The following SOX5 variants were observed in gnomAD, a reference collection of about 807,000 sequenced individuals.
SOX5 encodes the protein transcription factor SOX-5.
In SOX5, 9 loss-of-function variants were observed where a neutral mutation model predicts 92.0. The ratio of observed to expected loss-of-function variants is 0.10; its 90% CI spans 0.06 to 0.17. SOX5 has a LOEUF of 0.17. SOX5 is among the 10% of genes least tolerant of loss of function. The pLI, the probability that SOX5 is intolerant of heterozygous loss-of-function variation, is 1.00. For missense variants in SOX5, 642 were observed against 944.5 expected (o/e 0.68, Z 4.20); for synonymous variants, 344 against 336.3 (o/e 1.02, Z -0.25).
chr12:24,085,672 G>A (rs750391962), intron 4 of SOX5, among the ~76,000 whole-genome samples: 15 of 151,654 alleles, frequency 9.9e-5, no homozygotes, highest in Non-Finnish European at 2.1e-4. Context: ...TGGGAGAGAG[G>A]GAGATCTAGA....
intron 1 of SOX5, among the ~76,000 whole-genome samples, chr12:23,897,206 A>G (rs1439278417): frequency 6.6e-6 from 1 of 152,116 alleles, no homozygotes; most frequent in African/African-American, 2.4e-5. Flanking sequence ...CTACCACAAC[A>G]CTTCCTTCAT....
At chr12:24,465,732 A>T (rs142745537) in intron 1 of SOX5, among the ~76,000 whole-genome samples, 49 of 152,356 alleles carry the variant, frequency 3.2e-4, no homozygotes, top group African/African-American at 1.1e-3. Context: ...GGCCAAATGA[A>T]TTTAGAATAC....
intron 4 of SOX5, among the ~76,000 whole-genome samples, chr12:24,073,719 A>G (rs569655143): frequency 3.3e-5 from 5 of 152,370 alleles, no homozygotes; most frequent in Admixed American, 3.3e-4. Flanking sequence ...GAATTTTTCA[A>G]CAATGATTCA....
intron 4 of SOX5, among the ~76,000 whole-genome samples, chr12:23,995,782 TA>T (rs1950978351): frequency 6.6e-6 from 1 of 152,230 alleles, no homozygotes; most frequent in Non-Finnish European, 1.5e-5. Flanking sequence ...TATTAAAAGC[TA>T]ATACTCTGCT....
At chr12:24,465,669 AAGGAAAACC>A (rs1944149974) in intron 1 of SOX5, among the ~76,000 whole-genome samples, 2 of 152,220 alleles carry the variant, frequency 1.3e-5, no homozygotes, top group Admixed American at 6.5e-5. Context: ...CTCAGAAGTG[AAGGAAAACC>A]TAGGCAAACA....
chr12:23,856,067 G>C (rs764891129), intron 2 of SOX5, among the ~76,000 whole-genome samples: 8 of 152,062 alleles, frequency 5.3e-5, no homozygotes, highest in Non-Finnish European at 1.0e-4. Flanking sequence ...GTAATGGTGA[G>C]GTATTAAACA....
intron 3 of SOX5, among the ~76,000 whole-genome samples, chr12:24,245,855 C>T (rs1938591502): frequency 1.3e-5 from 2 of 151,794 alleles, no homozygotes; most frequent in African/African-American, 4.8e-5. Flanking sequence ...ATAAGGAGTA[C>T]AGAAACAGTA....
chr12:24,081,678 C>A (rs1943348809), intron 4 of SOX5, among the ~76,000 whole-genome samples: 1 of 151,960 alleles, frequency 6.6e-6, no homozygotes, highest in South Asian at 2.1e-4. Context: ...CACGGAACGT[C>A]ACCCTTTTAA....
chr12:24,058,512 A>C (rs187557942), intron 4 of SOX5, among the ~76,000 whole-genome samples: 11 of 152,304 alleles, frequency 7.2e-5, no homozygotes, highest in Admixed American at 2.6e-4. Context: ...TACTAAATAC[A>C]ACAGGACACA....
At chr12:24,328,167 G>A (rs1189947835) in intron 2 of SOX5, among the ~76,000 whole-genome samples, 1 of 152,074 alleles carries the variant, frequency 6.6e-6, no homozygotes, top group Non-Finnish European at 1.5e-5. Context: ...TTGTTAGCTG[G>A]CCAATCTAAA....
At chr12:23,911,748 T>A (rs1200825865) in intron 1 of SOX5, among the ~76,000 whole-genome samples, 3 of 152,104 alleles carry the variant, frequency 2.0e-5, no homozygotes, top group African/African-American at 7.2e-5. Flanking sequence ...TATGTAACAG[T>A]GACTGTTCTA....
chr12:24,074,200 C>T (rs531806651), intron 4 of SOX5, among the ~76,000 whole-genome samples: 1 of 152,238 alleles, frequency 6.6e-6, no homozygotes, highest in East Asian at 1.9e-4. Flanking sequence ...AGGTCACACA[C>T]AAGAATCATA....
At chr12:23,979,515 C>T (rs1451275256) in intron 4 of SOX5, among the ~76,000 whole-genome samples, 3 of 151,606 alleles carry the variant, frequency 2.0e-5, no homozygotes, top group Non-Finnish European at 4.4e-5. Flanking sequence ...TGAGCCACCG[C>T]ACCTGGCCCC....
chr12:24,235,316 C>A (rs1964247076), intron 3 of SOX5, among the ~76,000 whole-genome samples: 1 of 152,138 alleles, frequency 6.6e-6, no homozygotes, highest in African/African-American at 2.4e-5. Context: ...TGGTTCATAT[C>A]TATTCAATTA....
intron 4 of SOX5, among the ~76,000 whole-genome samples, chr12:23,745,984 C>G (rs1345673259): frequency 6.6e-6 from 1 of 152,082 alleles, no homozygotes; most frequent in Non-Finnish European, 1.5e-5. Flanking sequence ...AAGAATACAG[C>G]CGCTTCCCTT....
intron 1 of SOX5, among the ~76,000 whole-genome samples, chr12:24,420,492 T>G (rs1965748263): frequency 6.6e-6 from 1 of 152,226 alleles, no homozygotes; most frequent in Non-Finnish European, 1.5e-5. Context: ...CTTAAATTCA[T>G]GAATTCACAA....
At chr12:24,097,013 T>C (rs1945502978) in intron 4 of SOX5, among the ~76,000 whole-genome samples, 1 of 152,186 alleles carries the variant, frequency 6.6e-6, no homozygotes, top group Non-Finnish European at 1.5e-5. Context: ...AGGGTTCTAA[T>C]TTCTCCACAT....
At chr12:24,155,743 G>C (rs1952099760) in intron 4 of SOX5, among the ~76,000 whole-genome samples, 1 of 152,116 alleles carries the variant, frequency 6.6e-6, no homozygotes, top group South Asian at 2.1e-4. Context: ...GTTGAGCTGT[G>C]CTAACGAAAT....
At chr12:24,194,409 G>A (rs944219829) in intron 4 of SOX5, among the ~76,000 whole-genome samples, 5 of 137,546 alleles carry the variant, frequency 3.6e-5, no homozygotes, top group Non-Finnish European at 7.6e-5. Context: ...ATCTAGATAG[G>A]TAGGTAGGTA....
Sources: allele counts gnomAD v4.1 joint callset (sites outside exome capture counted in the v4.1 genomes callset), GRCh38; gene constraint gnomAD v4.1.1; transcripts MANE v1.5; gene names NCBI Gene and HGNC (gene_info 2026-07-23, HGNC 2026-07-21).